UBE2E1: variants seen among roughly 807,000 people sequenced by gnomAD.
UBE2E1 encodes ubiquitin-conjugating enzyme E2 E1.
UBE2E1 carries 6 observed loss-of-function variants against 21.4 expected under a neutral mutation model. The observed-to-expected ratio is 0.28, with a 90% CI of 0.15 to 0.55. UBE2E1 has a LOEUF of 0.55. UBE2E1 is among the 20% of genes least tolerant of loss of function. The pLI is 0.93. For missense variants in UBE2E1, 142 were observed against 236.5 expected (o/e 0.60, Z 2.62); for synonymous variants, 87 against 82.7 (o/e 1.05, Z -0.28).
chr3:23,889,644 C>T (rs933583356), intron 5 of UBE2E1: 14 of 985,316 alleles, frequency 1.4e-5, no homozygotes, highest in East Asian at 1.1e-4. Flanking sequence ...GTTCAGTGAG[C>T]ATGTGTCCCA....
intron 3 of UBE2E1, among the ~76,000 whole-genome samples, chr3:23,826,505 G>A (rs995914477): frequency 9.2e-5 from 14 of 152,132 alleles, no homozygotes; most frequent in Admixed American, 7.2e-4. Context: ...GACACAGCAG[G>A]GAAACTAGGA....
At chr3:23,811,118 G>T (rs1699380944) in intron 2 of UBE2E1, 1 of 306,556 alleles carries the variant, frequency 3.3e-6, no homozygotes, top group East Asian at 5.8e-5. Flanking sequence ...GTGCTGGGGA[G>T]AGGTGCAGGG....
At chr3:23,812,524 A>G (rs756090449) in intron 3 of UBE2E1, among the ~76,000 whole-genome samples, 2 of 152,222 alleles carry the variant, frequency 1.3e-5, no homozygotes, top group African/African-American at 2.4e-5. Flanking sequence ...ATTAAATACA[A>G]AACTATTGCC....
chr3:23,882,630 G>T (rs999861169), intron 3 of UBE2E1, among the ~76,000 whole-genome samples: 3 of 150,744 alleles, frequency 2.0e-5, no homozygotes, highest in Non-Finnish European at 4.4e-5. Context: ...CCACTGCAGG[G>T]GTGGAGGGGA....
chr3:23,866,085 A>G (rs1700649865), intron 3 of UBE2E1, among the ~76,000 whole-genome samples: 3 of 152,208 alleles, frequency 2.0e-5, no homozygotes, highest in Non-Finnish European at 2.9e-5. Flanking sequence ...CATGCAGGGC[A>G]TAACCTCACT....
At position 23,806,582 on chromosome 3, in the gene UBE2E1, C is replaced by G. The variant is rs538811625; in HGVS notation, c.-34+494C>G. Among the ~76,000 whole-genome samples, 145 of 151,830 alleles carry G rather than the reference C, an allele frequency of 9.6e-4. 2 individuals carry two copies. The East Asian group carries it at 0.026, about 27-fold the overall frequency. On this transcript the variant is annotated intron_variant, in intron 1 of 5. Transcript: ENST00000306627. This position sits in a 1 kb window ranked among gnomAD's most constrained non-coding sequence, Gnocchi z 6.5. ...CGGGCGTGTGCTCCGGACCCCCGCC[C>G]GGCCGCATAGCTGTGAGCAGGGCGG... is the stretch of plus-strand genomic sequence containing the variant.
At chr3:23,888,651 A>T (rs1350690021) in intron 4 of UBE2E1, among the ~76,000 whole-genome samples, 1 of 152,168 alleles carries the variant, frequency 6.6e-6, no homozygotes, top group Non-Finnish European at 1.5e-5. Context: ...CTTCTCTTCA[A>T]ATTTTGTTCA....
chr3:23,811,415 C>T, intron 2 of UBE2E1, 45 bp from the exon 3 acceptor site: 1 of 1,607,166 alleles, frequency 6.2e-7, no homozygotes, highest in Non-Finnish European at 8.5e-7. Flanking sequence ...GGCTTCCGCG[C>T]CTTAATGCTT....
At chr3:23,877,105 T>C (rs1174961394) in intron 3 of UBE2E1, among the ~76,000 whole-genome samples, 1 of 152,190 alleles carries the variant, frequency 6.6e-6, no homozygotes, top group African/African-American at 2.4e-5. Context: ...TAAGAATCAT[T>C]TGTTAACATG....
At chr3:23,843,044 A>G (rs1700128089) in intron 3 of UBE2E1, among the ~76,000 whole-genome samples, 4 of 151,296 alleles carry the variant, frequency 2.6e-5, no homozygotes, top group Admixed American at 2.6e-4. Context: ...TATATATTAT[A>G]GTAGTATATA....
intron 3 of UBE2E1, among the ~76,000 whole-genome samples, chr3:23,843,505 C>A (rs1575825097): frequency 6.6e-6 from 1 of 152,184 alleles, no homozygotes; most frequent in Admixed American, 6.5e-5. Flanking sequence ...TTTGAACACA[C>A]AATTAAGTAT....
intron 3 of UBE2E1, among the ~76,000 whole-genome samples, chr3:23,847,707 G>C (rs1012504199): frequency 1.1e-4 from 17 of 151,946 alleles, no homozygotes; most frequent in African/African-American, 4.1e-4. Flanking sequence ...GTGTTAGCCA[G>C]GATGGTCTCG....
At chr3:23,843,076 C>CT (rs55762254) in intron 3 of UBE2E1, among the ~76,000 whole-genome samples, 28,732 of 140,922 alleles carry the variant, frequency 0.2, 2,933 homozygotes, top group Non-Finnish European at 0.24. Flanking sequence ...TGGCTTAAAG[C>CT]TTTTTTTTTT....
intron 3 of UBE2E1, among the ~76,000 whole-genome samples, chr3:23,874,112 G>A (rs1372567941): frequency 1.3e-5 from 2 of 152,216 alleles, no homozygotes; most frequent in African/African-American, 4.8e-5. Context: ...ATTGGCAGCA[G>A]TTGCAGTGTG....
At chr3:23,809,018 G>A (rs983298100) in intron 2 of UBE2E1, among the ~76,000 whole-genome samples, 4 of 152,068 alleles carry the variant, frequency 2.6e-5, no homozygotes, top group African/African-American at 9.7e-5. Flanking sequence ...ACAGAGAGGG[G>A]GATTTTTTTC....
chr3:23,841,198 G>A (rs938160118), intron 3 of UBE2E1, among the ~76,000 whole-genome samples: 2 of 152,108 alleles, frequency 1.3e-5, no homozygotes, highest in South Asian at 2.1e-4. Flanking sequence ...CATCATGAGC[G>A]AGGAAAAAAA....
intron 3 of UBE2E1, among the ~76,000 whole-genome samples, chr3:23,828,091 G>A (rs1297397579): frequency 1.3e-5 from 2 of 152,004 alleles, no homozygotes; most frequent in Non-Finnish European, 2.9e-5. Context: ...ATTGAGTTAC[G>A]GTCATTTGTG....
intron 3 of UBE2E1, among the ~76,000 whole-genome samples, chr3:23,849,163 T>G (rs372840982): frequency 7.0e-4 from 106 of 152,276 alleles, no homozygotes; most frequent in African/African-American, 2.5e-3. Context: ...ATGTTAATGA[T>G]TATGTTTAAC....
chr3:23,807,029 C>T, intron 1 of UBE2E1: 2 of 422,894 alleles, frequency 4.7e-6, no homozygotes, highest in Non-Finnish European at 4.2e-6. Flanking sequence ...ACCGTTTTCC[C>T]ACAGCGTTCC....
Sources: allele counts gnomAD v4.1 joint callset (sites outside exome capture counted in the v4.1 genomes callset), GRCh38; gene constraint gnomAD v4.1.1; non-coding constraint Gnocchi (gnomAD v3.1); transcripts MANE v1.5; gene names NCBI Gene and HGNC (gene_info 2026-07-23, HGNC 2026-07-21).